The following JAK3 variants were observed in gnomAD, a reference collection of about 807,000 sequenced individuals.
The protein encoded by JAK3 is Janus kinase 3, also known as tyrosine-protein kinase JAK3.
Under a neutral mutation model 120.8 loss-of-function variants are expected in JAK3, and 88 were observed. That is an observed-to-expected ratio of 0.73 (90% CI 0.61 to 0.87). JAK3 has a LOEUF of 0.87. Among genes scored for constraint, JAK3 ranks in the 40% least tolerant of loss-of-function variants. The pLI, the probability that JAK3 is intolerant of heterozygous loss-of-function variation, is 0.00. For synonymous variants in JAK3, 592 were observed against 628.6 expected (o/e 0.94, Z 0.87); for missense variants, 1,254 against 1,501.4 (o/e 0.84, Z 2.72).
At position 17,833,542 on chromosome 19, in the gene JAK3, GAAA is replaced by G. The variant is rs58330868; in HGVS notation, c.2351-616_2351-614del. Among the ~76,000 whole-genome samples, 396 of 74,646 alleles carry G rather than the reference GAAA, an allele frequency of 5.3e-3. 3 individuals are homozygous for G. The highest frequency in any genetic ancestry group is 0.018 in the African/African-American group (378 of 21,396). The allele number at this position is 74,646 out of a possible 152,430, so 49.0% of individuals were successfully genotyped here. A position where few individuals can be genotyped will look rare whatever the true frequency, so the allele number is the denominator to read the frequency against. On this transcript the variant is annotated intron_variant, in intron 17 of 23. Transcript: ENST00000458235. Reference sequence around the variant, plus strand: ...GGGAACATAGCAAAACCCCATCACAGAAAAAAAAAAAAAAAAAAAAAAAATCCA... The same window carrying G: ...GGGAACATAGCAAAACCCCATCACAGAAAAAAAAAAAAAAAAAAAAATCCA...
At chr19:17,834,159 C>T (rs946914977) in intron 17 of JAK3, among the ~76,000 whole-genome samples, 24 of 152,052 alleles carry the variant, frequency 1.6e-4, no homozygotes, top group African/African-American at 5.8e-4. Context: ...ACCAGCCTAG[C>T]CAATATGGTG....
chr19:17,838,933 C>A (rs1384995791), intron 10 of JAK3, among the ~76,000 whole-genome samples: 2 of 152,066 alleles, frequency 1.3e-5, no homozygotes, highest in Non-Finnish European at 2.9e-5. Context: ...CCACGCTGGT[C>A]TCAAACTCCT....
rs776106625 is a variant in JAK3 at position 17,834,687 on chromosome 19, G to C, written c.2234C>G (p.Pro745Arg). 3 of 1,614,008 alleles carry C rather than the reference G, an allele frequency of 1.9e-6. No homozygotes were observed. Among genetic ancestry groups the C allele is most frequent in the Non-Finnish European group, 2.5e-6 (3 of 1,179,996 alleles). The change falls in exon 17 of 24, where the codon CCG becomes CGG. Residue 745 changes from proline to arginine, a missense_variant. This residue lies in a region of JAK3 where 630 missense variants were observed against 819.8 expected (regional missense o/e 0.77). Coordinates refer to ENST00000458235, the MANE Select transcript of JAK3 (RefSeq NM_000215.4). ...GGCCAGCTCTGTCCACTTGGGGGCC[G>C]GCAGCTGCTGCCGGTCCTCATAAAA... ...LQFYEDRQQL[P>R]APKWTELALL...
chr19:17,826,928 G>T lies in JAK3; in HGVS notation c.3208-18C>A, dbSNP rs768777773. On this transcript the variant is annotated intron_variant, in intron 23 of 23. Transcript: ENST00000458235. ...TCGTGAACCTGAGGGGCGGGGGACA[G>T]ATAATGGGGTCGTGCCTGAGCAGTC... 6.2e-7 allele frequency: 1 copy of T among 1,604,154 alleles called. No homozygotes were observed.
Position 17,842,192 on chromosome 19 carries a change from T to C in JAK3, c.861+124A>G. On this transcript the variant is annotated intron_variant, in intron 6 of 23. Transcript: ENST00000458235. This position sits in a 1 kb window ranked among gnomAD's most constrained non-coding sequence, Gnocchi z 6.4. Reference sequence around the variant, plus strand: ...TCCCTCACTAAGCCCCGCCCCTCATTAAGCCTCGCCCACTTCCCCAAGTCT... The same window carrying C: ...TCCCTCACTAAGCCCCGCCCCTCATCAAGCCTCGCCCACTTCCCCAAGTCT... 9.1e-7 allele frequency: 1 copy of C among 1,100,968 alleles called. No homozygotes were observed. The highest frequency in any genetic ancestry group is 1.3e-6 in the Non-Finnish European group (1 of 796,136). The allele number at this position is 1,100,968 out of a possible 1,614,324, so 68.2% of individuals were successfully genotyped here.
chr19:17,826,695 C>T lies in JAK3; in HGVS notation c.*48G>A, dbSNP rs1181900309. On this transcript the variant is annotated 3_prime_UTR_variant, in exon 24 of 24. Transcript: ENST00000458235. ...AGAGGGGCAGCTCCGGGCCTAAGGT[C>T]ACACAGCCAGTCAACAGAGACCTAA... 1 of 1,608,484 alleles carries T rather than the reference C, an allele frequency of 6.2e-7. No individual in the cohort carries two copies. The highest frequency in any genetic ancestry group is 8.5e-7 in the Non-Finnish European group (1 of 1,175,040).
At chr19:17,834,495 G>T in intron 17 of JAK3, 76 bp downstream of exon 17, 2 of 1,569,390 alleles carry the variant, frequency 1.3e-6, no homozygotes, top group Non-Finnish European at 1.7e-6. Flanking sequence ...GGCGTGGCCT[G>T]CTGCAAACCA....
chr19:17,830,244 G>A, intron 22 of JAK3, 26 bp from the exon 23 acceptor site: 1 of 1,534,788 alleles, frequency 6.5e-7, no homozygotes, highest in Non-Finnish European at 8.8e-7. Context: ...AGCGCATGTG[G>A]TGGGGGAGGA....
Position 17,835,970 on chromosome 19 carries a change from C to T in JAK3, c.1868G>A (p.Trp623Ter), listed in dbSNP as rs773308335. The change falls in exon 14 of 24, where the codon TGG becomes TAG. Residue 623 changes from tryptophan (W) to a stop codon, truncating the protein, a stop_gained. Coordinates refer to ENST00000458235, the MANE Select transcript of JAK3 (RefSeq NM_000215.4). LOFTEE classifies it high-confidence loss of function. ...RKRGHLVPAS[W>*]KLQVVKQLAY... ...CAGCTGTTTGACCACCTGCAGCTTC[C>T]AGCTGGCTGGCACCAGGTGGCCACG... 6.2e-7 allele frequency: 1 copy of T among 1,614,154 alleles called. No individual in the cohort carries two copies.
Position 17,831,418 on chromosome 19 carries a change from G to C in JAK3, c.2806-18C>G. 2 of 1,600,634 alleles carry C rather than the reference G, an allele frequency of 1.2e-6. No homozygotes were observed. Among genetic ancestry groups the C allele is most frequent in the Non-Finnish European group, 1.7e-6 (2 of 1,179,662 alleles). On this transcript the variant is annotated intron_variant, in intron 20 of 23. Coordinates refer to ENST00000458235, the MANE Select transcript of JAK3 (RefSeq NM_000215.4). The surrounding 1 kb of genome is among the most constrained non-coding windows in gnomAD (Gnocchi z 5.1). ...TCCATGCCCTGCGGGCGGGCGGTGTGAGCGTGCAGAGAGGATCCCAGGATA... is the reference window on the plus strand; with the variant it reads ...TCCATGCCCTGCGGGCGGGCGGTGTCAGCGTGCAGAGAGGATCCCAGGATA...
chr19:17,844,463 T>A, intron 1 of JAK3, 33 bp from the exon 2 acceptor site: 1 of 1,558,546 alleles, frequency 6.4e-7, no homozygotes, highest in Non-Finnish European at 8.7e-7. Flanking sequence ...CCCTCAGTCC[T>A]GGTCAGAGGG....
chr19:17,835,282 T>G, intron 14 of JAK3, 67 bp from the exon 15 acceptor site: 2 of 1,568,284 alleles, frequency 1.3e-6, no homozygotes, highest in Non-Finnish European at 1.7e-6. Flanking sequence ...TTTGGCAAAC[T>G]CCTATACATC....
At position 17,837,783 on chromosome 19, in the gene JAK3, C is replaced by T. The variant is rs183971586; in HGVS notation, c.1701+149G>A. 69 of 1,218,356 alleles carry T rather than the reference C, an allele frequency of 5.7e-5. No individual in the cohort carries two copies. The Admixed American group carries it at 1.0e-3, about 18-fold the overall frequency. The allele number at this position is 1,218,356 out of a possible 1,614,324, so 75.5% of individuals were successfully genotyped here. The stretch of plus-strand genomic sequence containing the variant: ...CTGTTCTTGAACTCCTGGCTTCAAA[C>T]CATCCTCCTGCCTCAGCCTCCCAAA... On this transcript the variant is annotated intron_variant, in intron 12 of 23. Coordinates refer to ENST00000458235, the MANE Select transcript of JAK3 (RefSeq NM_000215.4).
intron 17 of JAK3, among the ~76,000 whole-genome samples, chr19:17,833,361 T>A (rs2094217909): frequency 6.6e-6 from 1 of 151,886 alleles, no homozygotes; most frequent in East Asian, 1.9e-4. Context: ...CTGAGGTGAG[T>A]GCAGCCACTA....
Position 17,826,711 on chromosome 19 carries a change from A to G in JAK3, c.*32T>C. On this transcript the variant is annotated 3_prime_UTR_variant, in exon 24 of 24. Coordinates refer to ENST00000458235, the MANE Select transcript of JAK3 (RefSeq NM_000215.4). ...GCCTAAGGTCACACAGCCAGTCAAC[A>G]GAGACCTAATCCAGAGGTCTGCGGG... The G allele has an allele frequency of 6.2e-7, 1 of 1,612,458 alleles. No homozygotes were observed. The highest frequency in any genetic ancestry group is 8.5e-7 in the Non-Finnish European group (1 of 1,178,448).
Position 17,832,603 on chromosome 19 carries a change from T to G in JAK3, c.2596A>C (p.Arg866=). The G allele has an allele frequency of 6.2e-7, 1 of 1,614,236 alleles. No homozygotes were observed. Among genetic ancestry groups the G allele is most frequent in the South Asian group, 1.1e-5 (1 of 91,090 alleles). The change falls in exon 19 of 24, where the codon AGG becomes CGG. Residue 866 remains arginine (R), a synonymous_variant. Coordinates refer to ENST00000458235, the MANE Select transcript of JAK3 (RefSeq NM_000215.4). The surrounding 1 kb of genome is among the most constrained non-coding windows in gnomAD (Gnocchi z 4.7). ...QLQHSGPDQQ[R]DFQREIQILK... ...ATCTGAATCTCCCGCTGAAAGTCCC[T>G]CTGCTGGTCTGGCCCGCTGTGCTGC...
intron 1 of JAK3, among the ~76,000 whole-genome samples, chr19:17,847,250 C>T (rs1314286937): frequency 6.6e-6 from 1 of 152,128 alleles, no homozygotes; most frequent in East Asian, 1.9e-4. Flanking sequence ...ACTGCAATCC[C>T]AGCTACTCAG....
rs202076969 is a variant in JAK3, at chr19:17,831,179, A to C, written c.2978+49T>G. 1 of 1,559,112 alleles carries C rather than the reference A, an allele frequency of 6.4e-7. No individual in the cohort carries two copies. The highest frequency in any genetic ancestry group is 8.7e-7 in the Non-Finnish European group (1 of 1,154,948). On this transcript the variant is annotated intron_variant, in intron 21 of 23. Coordinates refer to ENST00000458235, the MANE Select transcript of JAK3 (RefSeq NM_000215.4). This position sits in a 1 kb window ranked among gnomAD's most constrained non-coding sequence, Gnocchi z 5.1. ...GGGGCGGGGGCATGGCTGGGGGCGGAGCCAGAGCCGTGGGGAATAGGGGCG... is the reference window on the plus strand; with the variant it reads ...GGGGCGGGGGCATGGCTGGGGGCGGCGCCAGAGCCGTGGGGAATAGGGGCG...
Position 17,843,921 on chromosome 19 carries a change from A to T in JAK3, c.185-21T>A. The T allele has an allele frequency of 6.2e-7, 1 of 1,613,182 alleles. No homozygotes were observed. The highest frequency in any genetic ancestry group is 1.7e-5 in the Admixed American group (1 of 59,944). On this transcript the variant is annotated intron_variant, in intron 2 of 23. Coordinates refer to ENST00000458235, the MANE Select transcript of JAK3 (RefSeq NM_000215.4). This position sits in a 1 kb window ranked among gnomAD's most constrained non-coding sequence, Gnocchi z 5.4. ...GATGCCTACAGGGGATGGTCCCATC[A>T]GCTCCCTCCTGAGTCACCCCATCTG... is the stretch of plus-strand genomic sequence containing the variant.
Sources: gnomAD v4.1 joint callset for allele counts (sites outside exome capture counted in the v4.1 genomes callset) on GRCh38, gnomAD v4.1.1 for gene constraint, gnomAD v4.1.1 regional missense constraint, Gnocchi (gnomAD v3.1) non-coding constraint, MANE v1.5 for transcripts, NCBI Gene and HGNC (gene_info 2026-07-23, HGNC 2026-07-21) for gene names.